ADAMTSL3: variants seen among roughly 807,000 people sequenced by gnomAD.
ADAMTSL3 encodes the protein ADAMTS like 3.
Under a neutral mutation model 201.7 loss-of-function variants are expected in ADAMTSL3, and 128 were observed. The observed-to-expected ratio is 0.63, with a 90% confidence interval of 0.55 to 0.73. The LOEUF is 0.73. Among genes scored for constraint, ADAMTSL3 ranks in the 30% least tolerant of loss-of-function variants. The pLI is 0.00. For missense variants in ADAMTSL3, 1,990 were observed against 2,119.6 expected (o/e 0.94, Z 1.20); for synonymous variants, 738 against 748.4 (o/e 0.99, Z 0.23).
intron 20 of ADAMTSL3, among the ~76,000 whole-genome samples, chr15:83,981,871 T>C (rs2067390075): frequency 6.6e-6 from 1 of 152,342 alleles, no homozygotes; most frequent in East Asian, 1.9e-4. Context: ...CAGACCCTTA[T>C]TGATGGAAAC....
intron 3 of ADAMTSL3, among the ~76,000 whole-genome samples, chr15:83,750,638 G>A (rs570150057): frequency 2.0e-5 from 3 of 151,876 alleles, no homozygotes; most frequent in African/African-American, 4.8e-5. Context: ...TGCAACCTCC[G>A]CCTCCTGGGT....
chr15:83,658,553 C>T (rs1285551019), intron 2 of ADAMTSL3, among the ~76,000 whole-genome samples: 1 of 152,224 alleles, frequency 6.6e-6, no homozygotes, highest in Admixed American at 6.5e-5. Flanking sequence ...CCTCGAGGAG[C>T]TCACTGTTCC....
chr15:83,755,889 T>C (rs2062712137), intron 3 of ADAMTSL3, among the ~76,000 whole-genome samples: 1 of 152,154 alleles, frequency 6.6e-6, no homozygotes, highest in Admixed American at 6.5e-5. Flanking sequence ...GCCTCCTGAG[T>C]AGCTGGGACT....
At chr15:83,801,824 C>G (rs1567154356) in intron 4 of ADAMTSL3, among the ~76,000 whole-genome samples, 1 of 150,128 alleles carries the variant, frequency 6.7e-6, no homozygotes, top group Non-Finnish European at 1.5e-5. Flanking sequence ...TGAAAATAAT[C>G]AGCAGCATTG....
intron 27 of ADAMTSL3, 84 bp downstream of exon 27, chr15:84,025,520 T>A: frequency 7.4e-7 from 1 of 1,347,702 alleles, no homozygotes; most frequent in Non-Finnish European, 1.0e-6. Flanking sequence ...TCCAATAAAC[T>A]ACTTTTGGGG....
chr15:83,926,130 G>A (rs1237913969), intron 17 of ADAMTSL3, among the ~76,000 whole-genome samples: 4 of 152,186 alleles, frequency 2.6e-5, no homozygotes, highest in Non-Finnish European at 5.9e-5. Flanking sequence ...GTTGGTGCAG[G>A]TCATTCCTGA....
intron 2 of ADAMTSL3, among the ~76,000 whole-genome samples, chr15:83,700,555 G>C (rs575547973): frequency 2.6e-5 from 4 of 152,196 alleles, no homozygotes; most frequent in Non-Finnish European, 5.9e-5. Flanking sequence ...CCTGAGATTA[G>C]GTGTTCGAGA....
intron 26 of ADAMTSL3, 101 bp downstream of exon 26, chr15:84,021,694 T>TA (rs1481202310): frequency 7.8e-7 from 1 of 1,280,646 alleles, no homozygotes; most frequent in Non-Finnish European, 1.1e-6. Flanking sequence ...AAGTTTTTTT[T>TA]ATCACTTACT....
chr15:83,722,309 G>A (rs988488329), intron 3 of ADAMTSL3, among the ~76,000 whole-genome samples: 15 of 152,162 alleles, frequency 9.9e-5, no homozygotes, highest in African/African-American at 3.6e-4. Context: ...ACTCACAAAA[G>A]AGAGAAGACA....
intron 3 of ADAMTSL3, among the ~76,000 whole-genome samples, chr15:83,734,643 G>T (rs1043521970): frequency 6.6e-6 from 1 of 152,248 alleles, no homozygotes; most frequent in East Asian, 1.9e-4. Flanking sequence ...TTCTGGGAGG[G>T]TTGATGCTCA....
At chr15:84,026,833 A>G (rs1262718103) in intron 27 of ADAMTSL3, among the ~76,000 whole-genome samples, 2 of 151,626 alleles carry the variant, frequency 1.3e-5, no homozygotes, top group African/African-American at 4.8e-5. Context: ...GGAAAAAAAT[A>G]TAGGTGTAAA....
At chr15:83,932,856 A>G (rs2066387851) in intron 17 of ADAMTSL3, among the ~76,000 whole-genome samples, 1 of 152,204 alleles carries the variant, frequency 6.6e-6, no homozygotes, top group East Asian at 1.9e-4. Flanking sequence ...AGTGGGGGAA[A>G]AAACAGAATC....
intron 2 of ADAMTSL3, among the ~76,000 whole-genome samples, chr15:83,695,958 G>A (rs2061683354): frequency 6.6e-6 from 1 of 152,102 alleles, no homozygotes; most frequent in Non-Finnish European, 1.5e-5. Context: ...CTGAGTTTAA[G>A]TACTGCTGGT....
At position 83,783,837 on chromosome 15, in the gene ADAMTSL3, C is replaced by CTGTGTGTGTGTGTG. The variant is rs59071955; in HGVS notation, c.317+10203_317+10216dup. ...TTTTAAAAGTATCTGCATATATACT[C>CTGTGTGTGTGTGTG]TGTGTGTGTGTGTGTGTGTGTGTGT... On this transcript the variant is annotated intron_variant, in intron 4 of 29. Coordinates refer to ENST00000286744, the MANE Select transcript of ADAMTSL3 (RefSeq NM_207517.3). Among the ~76,000 whole-genome samples the CTGTGTGTGTGTGTG allele has an allele frequency of 1.0e-3, 152 of 148,756 alleles. 1 individual carries two copies. The highest frequency in any genetic ancestry group is 3.1e-3 in the Admixed American group (46 of 14,824).
chr15:84,031,640 T>G (rs2068411600), intron 28 of ADAMTSL3, among the ~76,000 whole-genome samples: 1 of 152,184 alleles, frequency 6.6e-6, no homozygotes, highest in South Asian at 2.1e-4. Context: ...ATAAATTGTT[T>G]GGATGTTAAA....
intron 13 of ADAMTSL3, among the ~76,000 whole-genome samples, chr15:83,894,486 G>A (rs2065573744): frequency 6.6e-6 from 1 of 152,124 alleles, no homozygotes; most frequent in Admixed American, 6.5e-5. Context: ...AAAAAAATCT[G>A]TCTAGTGGAA....
At chr15:83,968,403 G>A (rs936726144) in intron 19 of ADAMTSL3, among the ~76,000 whole-genome samples, 5 of 152,076 alleles carry the variant, frequency 3.3e-5, no homozygotes, top group Non-Finnish European at 7.4e-5. Context: ...ACATTTATGC[G>A]GCCAACAAAC....
At chr15:83,764,200 G>T (rs1011179780) in intron 3 of ADAMTSL3, among the ~76,000 whole-genome samples, 1 of 152,096 alleles carries the variant, frequency 6.6e-6, no homozygotes, top group Admixed American at 6.5e-5. Flanking sequence ...CATGTCAGTG[G>T]CCTTCTAGCT....
chr15:83,805,975 C>A lies in ADAMTSL3; in HGVS notation c.363+1280C>A, dbSNP rs536019192. Among the ~76,000 whole-genome samples the A allele has an allele frequency of 1.1e-4, 16 of 152,306 alleles. No individual in the cohort carries two copies. The South Asian group carries it at 3.3e-3, about 32-fold the overall frequency. ...AGGCCCTGAGCCCAGTTTGGGGGAG[C>A]TGCCTGGAGTTCCCACAGCTGCATT... On this transcript the variant is annotated intron_variant, in intron 5 of 29. Coordinates refer to ENST00000286744, the MANE Select transcript of ADAMTSL3 (RefSeq NM_207517.3).
Sources: allele counts gnomAD v4.1 joint callset (sites outside exome capture counted in the v4.1 genomes callset), GRCh38; gene constraint gnomAD v4.1.1; transcripts MANE v1.5; gene names NCBI Gene and HGNC (gene_info 2026-07-23, HGNC 2026-07-21).